ADAM17: variants seen among roughly 807,000 people sequenced by gnomAD.
ADAM17 encodes disintegrin and metalloproteinase domain-containing protein 17.
ADAM17 carries 39 observed loss-of-function variants against 96.7 expected under a neutral mutation model. The observed-to-expected ratio is 0.40, with a 90% confidence interval of 0.31 to 0.53. ADAM17 has a LOEUF of 0.53. Among genes scored for constraint, ADAM17 ranks in the 20% least tolerant of loss-of-function variants. The pLI is 0.44. For synonymous variants in ADAM17, 344 were observed against 359.2 expected (o/e 0.96, Z 0.48); for missense variants, 777 against 1,013.2 (o/e 0.77, Z 3.17).
intron 1 of ADAM17, among the ~76,000 whole-genome samples, chr2:9,550,941 G>A (rs574763123): frequency 6.6e-6 from 1 of 151,744 alleles, no homozygotes; most frequent in East Asian, 2.0e-4. Flanking sequence ...CAGGCGTGGT[G>A]GGGGACACCT....
intron 12 of ADAM17, among the ~76,000 whole-genome samples, chr2:9,502,804 C>T (rs1313428599): frequency 1.4e-5 from 2 of 143,660 alleles, no homozygotes; most frequent in South Asian, 2.2e-4. Flanking sequence ...GCCTGGACCC[C>T]GGAGACAGAG....
At position 9,526,150 on chromosome 2, in the gene ADAM17, G is replaced by A; in HGVS notation, c.714C>T (p.Tyr238=). Residue 238 remains tyrosine, a synonymous_variant, in exon 6 of 19, where the codon TAC becomes TAT. Transcript: ENST00000310823. ...TTGTACTCTCTTCCCCTCTGCCCAT[G>A]TATCTGTAGAAGCGATGATCTGCTA... The part of the protein sequence containing the change: ...LVVADHRFYR[Y]MGRGEESTTT... 6.2e-7 allele frequency: 1 copy of A among 1,613,540 alleles called. No homozygotes were observed. Among genetic ancestry groups the A allele is most frequent in the Middle Eastern group, 1.7e-4 (1 of 6,060 alleles).
chr2:9,527,665 T>G, intron 5 of ADAM17, 121 bp downstream of exon 5: 3 of 663,538 alleles, frequency 4.5e-6, no homozygotes, highest in Non-Finnish European at 6.6e-6. Flanking sequence ...CCTCTTATTT[T>G]CATGCCAAAT....
chr2:9,510,494 T>C (rs1663676034), intron 10 of ADAM17, among the ~76,000 whole-genome samples: 1 of 151,886 alleles, frequency 6.6e-6, no homozygotes, highest in Non-Finnish European at 1.5e-5. Context: ...TGAAACCCTG[T>C]CTCTACTAAA....
chr2:9,494,726 C>T lies in ADAM17; in HGVS notation c.1825G>A (p.Gly609Ser), dbSNP rs779554063. Reference protein sequence around the residue: ...SCKVCCRDLSGRCVPYVDAEQ... With the variant: ...SCKVCCRDLSSRCVPYVDAEQ... ...GCATCGACATAGGGCACACAGCGGC[C>T]AGAAAGGTCCCTGCAGCACACCTTG... Residue 609 changes from glycine (G) to serine (S), a missense_variant, in exon 15 of 19, where the codon GGC becomes AGC. Physicochemically the swap from Gly to Ser is moderately conservative, Grantham distance 56. Transcript: ENST00000310823. 13 of 1,613,970 alleles carry T rather than the reference C, an allele frequency of 8.1e-6. No individual in the cohort carries two copies. Among genetic ancestry groups the T allele is most frequent in the South Asian group, 3.3e-5 (3 of 91,084 alleles).
At chr2:9,531,354 T>G (rs1205685546) in intron 4 of ADAM17, among the ~76,000 whole-genome samples, 2 of 150,418 alleles carry the variant, frequency 1.3e-5, no homozygotes, top group Non-Finnish European at 3.0e-5. Context: ...GATCACAAGG[T>G]CAGAAGTTCA....
intron 4 of ADAM17, among the ~76,000 whole-genome samples, chr2:9,534,449 C>T (rs1664874330): frequency 6.6e-6 from 1 of 152,004 alleles, no homozygotes; most frequent in Admixed American, 6.6e-5. Flanking sequence ...GCAGGAGAAT[C>T]GCCTGAACCG....
rs535928397 is a variant in ADAM17 at position 9,499,637 on chromosome 2, C to T, written c.1649-2389G>A. Among the ~76,000 whole-genome samples, 726 of 152,190 alleles carry T rather than the reference C, an allele frequency of 4.8e-3. 5 individuals are homozygous for T. Among genetic ancestry groups the T allele is most frequent in the Non-Finnish European group, 7.7e-3 (524 of 68,000 alleles). Reference sequence around the variant, plus strand: ...CAGGATGGTCTCGATCTCCTGATCTCGTGATCTGCCCACCTCGGCCTCCCA... The same window carrying T: ...CAGGATGGTCTCGATCTCCTGATCTTGTGATCTGCCCACCTCGGCCTCCCA... On this transcript the variant is annotated intron_variant, in intron 13 of 18. Coordinates refer to ENST00000310823, the MANE Select transcript of ADAM17 (RefSeq NM_003183.6).
intron 12 of ADAM17, among the ~76,000 whole-genome samples, chr2:9,502,608 A>G (rs932170371): frequency 2.0e-5 from 3 of 152,104 alleles, no homozygotes; most frequent in African/African-American, 7.2e-5. Context: ...GAGGTGGCTC[A>G]CACCTATAAT....
At chr2:9,502,084 C>G (rs1663037720) in intron 13 of ADAM17, 89 bp downstream of exon 13, 1 of 1,157,696 alleles carries the variant, frequency 8.6e-7, no homozygotes, top group Non-Finnish European at 1.3e-6. Flanking sequence ...AATAAGGTGT[C>G]TCTCATCTGA....
chr2:9,546,308 C>T (rs1017024834), intron 1 of ADAM17, among the ~76,000 whole-genome samples: 3 of 152,126 alleles, frequency 2.0e-5, no homozygotes, highest in Admixed American at 1.3e-4. Context: ...CTTTAAAATA[C>T]TTAACTAATG....
At chr2:9,504,335 T>C (rs1024476666) in intron 12 of ADAM17, among the ~76,000 whole-genome samples, 7 of 151,636 alleles carry the variant, frequency 4.6e-5, no homozygotes, top group Admixed American at 1.3e-4. Flanking sequence ...GTCCCAGTTA[T>C]TGGGGAGGCT....
At chr2:9,533,439 C>T (rs935095431) in intron 4 of ADAM17, among the ~76,000 whole-genome samples, 8 of 151,726 alleles carry the variant, frequency 5.3e-5, no homozygotes, top group Non-Finnish European at 7.4e-5. Flanking sequence ...CCCAGCTACT[C>T]GGGAGGCTGA....
intron 8 of ADAM17, among the ~76,000 whole-genome samples, chr2:9,520,624 G>C (rs954812216): frequency 1.3e-5 from 2 of 152,124 alleles, no homozygotes; most frequent in African/African-American, 4.8e-5. Context: ...TTCTAGAGAA[G>C]ATCCACTGAT....
chr2:9,506,577 G>C (rs1663414154), intron 11 of ADAM17, among the ~76,000 whole-genome samples: 1 of 151,840 alleles, frequency 6.6e-6, no homozygotes, highest in South Asian at 2.1e-4. Flanking sequence ...ATGTTGACCA[G>C]GATGGTCTCG....
chr2:9,545,972 C>G lies in ADAM17; in HGVS notation c.98-2687G>C, dbSNP rs1482359146. ...AATTAGCCAGGCATGGTGGCATGTG[C>G]TTGTAGTCTCAGCTACTCAGAAGGT... On this transcript the variant is annotated intron_variant, in intron 1 of 18. Transcript: ENST00000310823. 2.6e-5 allele frequency among the ~76,000 whole-genome samples: 4 copies of G among 151,788 alleles called. No individual in the cohort carries two copies. In the East Asian group the frequency reaches 7.7e-4, roughly 29 times the overall value.
intron 1 of ADAM17, among the ~76,000 whole-genome samples, chr2:9,552,278 A>C (rs1159574324): frequency 2.0e-5 from 3 of 152,224 alleles, no homozygotes; most frequent in Non-Finnish European, 4.4e-5. Context: ...TGTTCTAGGA[A>C]ATCCTGTGAA....
chr2:9,530,758 T>C (rs184681041), intron 4 of ADAM17, among the ~76,000 whole-genome samples: 145 of 152,304 alleles, frequency 9.5e-4, no homozygotes, highest in Middle Eastern at 3.4e-3. Flanking sequence ...AGTGCCTTTA[T>C]TCCTAAGGAT....
intron 10 of ADAM17, among the ~76,000 whole-genome samples, chr2:9,511,340 C>T (rs1442958879): frequency 6.6e-6 from 1 of 152,060 alleles, no homozygotes; most frequent in Non-Finnish European, 1.5e-5. Flanking sequence ...ATCCCGGCTA[C>T]TCGGGAGGCT....
Sources: allele counts gnomAD v4.1 joint callset (sites outside exome capture counted in the v4.1 genomes callset), GRCh38; gene constraint gnomAD v4.1.1; transcripts MANE v1.5; gene names NCBI Gene and HGNC (gene_info 2026-07-23, HGNC 2026-07-21).